FGF13: variants seen among roughly 807,000 people sequenced by gnomAD.
The protein encoded by FGF13 is fibroblast growth factor 13.
Under a neutral mutation model 19.5 loss-of-function variants are expected in FGF13, and 2 were observed. The ratio of observed to expected loss-of-function variants is 0.10; its 90% CI spans 0.04 to 0.32. The LOEUF (loss-of-function observed/expected upper bound fraction) is 0.32. Among genes scored for constraint, FGF13 ranks in the 10% least tolerant of loss-of-function variants. FGF13 has a pLI of 1.00. For synonymous variants in FGF13, 72 were observed against 76.9 expected (o/e 0.94, Z 0.33); for missense variants, 113 against 192.7 (o/e 0.59, Z 2.45).
intron 4 of FGF13, among the ~76,000 whole-genome samples, chrX:138,633,524 T>G (rs754962920): frequency 8.9e-6 from 1 of 112,290 alleles, no homozygotes; most frequent in African/African-American, 3.2e-5. Flanking sequence ...ACAAGGCAAA[T>G]ATTAAAATTT....
intron 3 of FGF13, among the ~76,000 whole-genome samples, chrX:138,841,343 G>A (rs1195642326): frequency 1.8e-5 from 2 of 110,700 alleles, no homozygotes; most frequent in Non-Finnish European, 3.8e-5. Flanking sequence ...AACCAACGCA[G>A]CAAAAACTTG....
At chrX:139,094,414 G>T (rs1482997234) in intron 1 of FGF13, among the ~76,000 whole-genome samples, 2 of 112,055 alleles carry the variant, frequency 1.8e-5, no homozygotes, top group African/African-American at 6.5e-5. Flanking sequence ...TGGAGCTACT[G>T]GCTGTGGAAA....
At chrX:138,868,078 G>A (rs931090917) in intron 1 of FGF13, among the ~76,000 whole-genome samples, 3 of 111,567 alleles carry the variant, frequency 2.7e-5, no homozygotes, top group African/African-American at 9.8e-5. Flanking sequence ...TCAAAATGCT[G>A]TCTGAAATTT....
intron 1 of FGF13, among the ~76,000 whole-genome samples, chrX:139,188,338 T>C (rs771037824): frequency 3.6e-5 from 4 of 112,394 alleles, no homozygotes; most frequent in Non-Finnish European, 7.5e-5. Context: ...GGAAATAATA[T>C]ATTAAGGATT....
At chrX:138,747,561 C>A (rs1410124716) in intron 3 of FGF13, among the ~76,000 whole-genome samples, 2 of 111,781 alleles carry the variant, frequency 1.8e-5, no homozygotes, top group Non-Finnish European at 1.9e-5. Flanking sequence ...CTTCAGAATC[C>A]TTTATTTCCC....
At chrX:138,927,000 G>A (rs183617806) in intron 1 of FGF13, among the ~76,000 whole-genome samples, 3 of 111,396 alleles carry the variant, frequency 2.7e-5, no homozygotes, top group Non-Finnish European at 5.7e-5. Context: ...AAGCCTATAT[G>A]GCCAGAGCAG....
chrX:139,042,244 C>T (rs1465422128), intron 1 of FGF13, among the ~76,000 whole-genome samples: 1 of 112,011 alleles, frequency 8.9e-6, no homozygotes, highest in Non-Finnish European at 1.9e-5. Flanking sequence ...GATGGGTGTT[C>T]TCTGTGGCCC....
intron 1 of FGF13, among the ~76,000 whole-genome samples, chrX:139,084,754 T>C (rs2083393103): frequency 8.9e-6 from 1 of 112,467 alleles, no homozygotes; most frequent in Non-Finnish European, 1.9e-5. Context: ...AAAAAATAAA[T>C]AGCACAAGCT....
intron 1 of FGF13, among the ~76,000 whole-genome samples, chrX:138,911,622 T>TA (rs916114735): frequency 3.0e-4 from 33 of 109,602 alleles, no homozygotes; most frequent in South Asian, 2.4e-3. Context: ...AAATAAAAGT[T>TA]AAAAAAAAAC....
chrX:139,149,795 C>CATA (rs890137477), intron 1 of FGF13, among the ~76,000 whole-genome samples: 1 of 111,875 alleles, frequency 8.9e-6, no homozygotes, highest in Non-Finnish European at 1.9e-5. Flanking sequence ...ACTTCATGTA[C>CATA]ATACTCTCCA....
chrX:139,049,114 G>A (rs933573868), intron 1 of FGF13, among the ~76,000 whole-genome samples: 2 of 111,022 alleles, frequency 1.8e-5, no homozygotes, highest in African/African-American at 6.6e-5. Flanking sequence ...AATTATCCAG[G>A]TGCAGAGAGC....
intron 1 of FGF13, among the ~76,000 whole-genome samples, chrX:139,173,411 T>C (rs1438301817): frequency 9.1e-6 from 1 of 110,316 alleles, no homozygotes; most frequent in Non-Finnish European, 1.9e-5. Flanking sequence ...GTAAATGTTT[T>C]TAAAATTATA....
At chrX:138,704,861 A>T (rs2089979743) in intron 2 of FGF13, among the ~76,000 whole-genome samples, 1 of 112,679 alleles carries the variant, frequency 8.9e-6, no homozygotes, top group Non-Finnish European at 1.9e-5. Flanking sequence ...ACAATGCAAT[A>T]CACAGGCAAG....
intron 1 of FGF13, among the ~76,000 whole-genome samples, chrX:139,090,253 A>T (rs754906215): frequency 1.3e-4 from 14 of 111,809 alleles, no homozygotes; most frequent in African/African-American, 3.9e-4. Flanking sequence ...ATTCCCATAG[A>T]TCAAGAACCT....
chrX:138,793,748 T>C (rs776013329), intron 3 of FGF13, among the ~76,000 whole-genome samples: 1 of 111,927 alleles, frequency 8.9e-6, no homozygotes, highest in African/African-American at 3.2e-5. Flanking sequence ...TGGGTTAGAA[T>C]TCTGGTCCTG....
chrX:139,110,615 C>T (rs1042410710), intron 1 of FGF13, among the ~76,000 whole-genome samples: 2 of 111,736 alleles, frequency 1.8e-5, no homozygotes, highest in Admixed American at 9.5e-5. Flanking sequence ...TTCCCAGACC[C>T]GGGTATGTCT....
At chrX:139,062,235 T>C (rs1486251987) in intron 1 of FGF13, among the ~76,000 whole-genome samples, 3 of 111,724 alleles carry the variant, frequency 2.7e-5, no homozygotes, top group Non-Finnish European at 5.6e-5. Flanking sequence ...TGAGTTGTTT[T>C]TGTATAGGTG....
At chrX:138,926,718 C>A (rs981170522) in intron 1 of FGF13, among the ~76,000 whole-genome samples, 1 of 111,777 alleles carries the variant, frequency 8.9e-6, no homozygotes, top group African/African-American at 3.3e-5. Context: ...TTTGGGAGGC[C>A]GAGGTGGGCA....
chrX:139,041,152 G>T (rs1308330060), intron 1 of FGF13, among the ~76,000 whole-genome samples: 3 of 109,282 alleles, frequency 2.7e-5, no homozygotes, highest in Non-Finnish European at 5.7e-5. Flanking sequence ...AACCACCATG[G>T]CACACATTGA....
Sources: allele counts gnomAD v4.1 joint callset (sites outside exome capture counted in the v4.1 genomes callset), GRCh38; gene constraint gnomAD v4.1.1; transcripts MANE v1.5; gene names NCBI Gene and HGNC (gene_info 2026-07-23, HGNC 2026-07-21).